Variants in ABCA12 observed in about 807,000 individuals in gnomAD.
ABCA12 encodes glucosylceramide transporter ABCA12.
ABCA12 carries 156 observed loss-of-function variants against 293.5 expected under a neutral mutation model. The observed-to-expected ratio is 0.53, with a 90% CI of 0.47 to 0.61. The LOEUF (loss-of-function observed/expected upper bound fraction) is 0.61. Among genes scored for constraint, ABCA12 ranks in the 20% least tolerant of loss-of-function variants. The pLI is 0.00. For synonymous variants in ABCA12, 1,063 were observed against 1,108.0 expected, an observed-to-expected ratio of 0.96 and a Z score of 0.81; for missense variants, 2,797 against 3,090.2, an observed-to-expected ratio of 0.91 and a Z score of 2.25.
At chr2:215,076,207 G>C (rs1478344806) in intron 2 of ABCA12, among the ~76,000 whole-genome samples, 1 of 152,064 alleles carries the variant, frequency 6.6e-6, no homozygotes, top group Non-Finnish European at 1.5e-5. Context: ...CAATTTATGT[G>C]ACCCGTGGCT....
chr2:214,943,782 A>G (rs1177787324), intron 49 of ABCA12, among the ~76,000 whole-genome samples: 1 of 152,120 alleles, frequency 6.6e-6, no homozygotes, highest in Non-Finnish European at 1.5e-5. Flanking sequence ...ATGGTCTATC[A>G]TAATTGGAGG....
At position 215,049,692 on chromosome 2, in the gene ABCA12, T is replaced by C. The variant is rs149882663; in HGVS notation, c.627A>G (p.Lys209=). ...AAAGGGTCATGTTAGAAAGGCAAAA[T>C]TTGTTAAAAACATTTCTTCCTAGAA... is the stretch of plus-strand genomic sequence containing the variant. ...WTFLGRNVFN[K]FCLSNMTLLE... Residue 209 remains lysine, a synonymous_variant, in exon 6 of 53, where the codon AAA becomes AAG. Transcript: ENST00000272895. 1 of 1,613,624 alleles carries C rather than the reference T, an allele frequency of 6.2e-7. No homozygotes were observed. Among genetic ancestry groups the C allele is most frequent in the Admixed American group, 1.7e-5 (1 of 59,982 alleles).
intron 23 of ABCA12, among the ~76,000 whole-genome samples, chr2:214,994,289 T>C (rs1342461437): frequency 2.6e-5 from 4 of 151,800 alleles, no homozygotes; most frequent in Admixed American, 2.0e-4. Flanking sequence ...GGTGCCAGCT[T>C]TGTAATCAGA....
rs1702628154 is a variant in ABCA12, at chr2:215,113,859, T to C, written c.70-2169A>G. ...TATTTAAAAATCACATTAGAGTTGT[T>C]GCAGATATCTTAAAGCGCTGTTTAT... On this transcript the variant is annotated intron_variant, in intron 1 of 52. Coordinates refer to ENST00000272895, the MANE Select transcript of ABCA12 (RefSeq NM_173076.3). Among the ~76,000 whole-genome samples the C allele has an allele frequency of 2.0e-5, 3 of 152,246 alleles. 1 individual carries two copies. The South Asian group carries it at 6.2e-4, about 32-fold the overall frequency.
In ABCA12 at chr2:214,990,891, G is replaced by T; in HGVS notation, c.3435C>A (p.Phe1145Leu). ...AGTCCGAAAAATACAGGAACAAAAT[G>T]AACCCATTTGTTTTAGGAAGAATAT... ...FGNILPKTNG[F>L]ILFLYFSDYS... The change falls in exon 24 of 53, where the codon TTC becomes TTA. Residue 1145 changes from phenylalanine (F) to leucine (L), a missense_variant. Coordinates refer to ENST00000272895, the MANE Select transcript of ABCA12 (RefSeq NM_173076.3). The T allele has an allele frequency of 6.2e-7, 1 of 1,613,978 alleles. No individual in the cohort carries two copies. The highest frequency in any genetic ancestry group is 1.1e-5 in the South Asian group (1 of 91,044).
intron 11 of ABCA12, among the ~76,000 whole-genome samples, chr2:215,024,906 T>C (rs1700705501): frequency 6.6e-6 from 1 of 152,136 alleles, no homozygotes; most frequent in Non-Finnish European, 1.5e-5. Flanking sequence ...CAAATAAGCA[T>C]AAAGTTATTC....
At chr2:215,060,886 C>T (rs1191802228) in intron 3 of ABCA12, among the ~76,000 whole-genome samples, 1 of 152,008 alleles carries the variant, frequency 6.6e-6, no homozygotes, top group Non-Finnish European at 1.5e-5. Context: ...AGCAGAGGTA[C>T]GAATTTAGAA....
chr2:214,970,351 G>A lies in ABCA12; in HGVS notation c.5612C>T (p.Ser1871Phe), dbSNP rs377028845. Residue 1871 changes from serine (S) to phenylalanine (F), a missense_variant, in exon 37 of 53, where the codon TCC (serine) becomes TTC (phenylalanine). Transcript: ENST00000272895. ...YSPPHRRTYS[S>F]QVIYNLTGQR... ...CCCAGTGAGGTTATAAATTACCTGG[G>A]ATGAGTAAGTTCTTCTGTGCGGTGG... 4 of 1,613,196 alleles carry A rather than the reference G, an allele frequency of 2.5e-6. No individual in the cohort carries two copies. The highest frequency in any genetic ancestry group is 3.4e-6 in the Non-Finnish European group (4 of 1,179,362).
intron 2 of ABCA12, among the ~76,000 whole-genome samples, chr2:215,103,933 G>C (rs1183899080): frequency 6.6e-6 from 1 of 152,008 alleles, no homozygotes; most frequent in East Asian, 1.9e-4. Context: ...GTTGCTGTGA[G>C]CCGAGATTGC....
intron 2 of ABCA12, chr2:215,075,589 A>C (rs1408471956): frequency 4.3e-6 from 3 of 698,520 alleles, no homozygotes; most frequent in East Asian, 5.4e-5. Flanking sequence ...CCATCCATCC[A>C]TCACAAGTGT....
intron 51 of ABCA12, among the ~76,000 whole-genome samples, chr2:214,936,052 C>A (rs930594215): frequency 3.9e-5 from 6 of 152,162 alleles, no homozygotes; most frequent in Non-Finnish European, 8.8e-5. Flanking sequence ...GTAGTACTCC[C>A]TTATTTGTGG....
In ABCA12 at chr2:214,937,626, A is replaced by G. The variant is rs1161817868; in HGVS notation, c.7437-11T>C. 12 of 1,603,816 alleles carry G rather than the reference A, an allele frequency of 7.5e-6. No homozygotes were observed. Among genetic ancestry groups the G allele is most frequent in the Non-Finnish European group, 9.4e-6 (11 of 1,171,002 alleles). ...AATCCTCGTCCAAACCTAGAAAGAA[A>G]AAGTGCAAAATATGATATGAATTAC... On this transcript the variant is annotated splice_polypyrimidine_tract_variant and intron_variant, in intron 50 of 52. Coordinates refer to ENST00000272895, the MANE Select transcript of ABCA12 (RefSeq NM_173076.3).
intron 2 of ABCA12, among the ~76,000 whole-genome samples, chr2:215,104,480 T>C (rs953293132): frequency 2.6e-5 from 4 of 152,182 alleles, no homozygotes; most frequent in African/African-American, 4.8e-5. Flanking sequence ...CTGTGAGTGA[T>C]GCAGCCGTGT....
chr2:215,036,857 A>G, intron 8 of ABCA12, 96 bp downstream of exon 8: 1 of 1,083,464 alleles, frequency 9.2e-7, no homozygotes, highest in Non-Finnish European at 1.4e-6. Flanking sequence ...TAAGAATAAT[A>G]TCATCTCTAC....
At position 214,956,841 on chromosome 2, in the gene ABCA12, A is replaced by C. The variant is rs560979800; in HGVS notation, c.6118-63T>G. ...AGCATTTTTCAAAAAAAAAAAAATC[A>C]ATAACCCATCTAGTTTAAAACTGCA... On this transcript the variant is annotated intron_variant, in intron 41 of 52. Coordinates refer to ENST00000272895, the MANE Select transcript of ABCA12 (RefSeq NM_173076.3). 13 of 1,166,066 alleles carry C rather than the reference A, an allele frequency of 1.1e-5. No homozygotes were observed. The African/African-American group carries it at 1.5e-4, about 14-fold the overall frequency. 72.2% of individuals were successfully genotyped at this position (1,166,066 alleles called of 1,614,324 possible).
At chr2:215,095,733 A>G (rs1238641465) in intron 2 of ABCA12, among the ~76,000 whole-genome samples, 1 of 150,872 alleles carries the variant, frequency 6.6e-6, no homozygotes, top group Non-Finnish European at 1.5e-5. Context: ...GAAGAACCAC[A>G]AAAGAAGTGA....
chr2:215,046,513 G>A (rs752332609), intron 6 of ABCA12, among the ~76,000 whole-genome samples: 5 of 147,162 alleles, frequency 3.4e-5, no homozygotes, highest in Non-Finnish European at 7.4e-5. Context: ...AAGAGCGTGT[G>A]TGTGTGTATA....
intron 30 of ABCA12, among the ~76,000 whole-genome samples, chr2:214,981,673 C>T (rs1411628013): frequency 2.0e-5 from 3 of 149,926 alleles, no homozygotes; most frequent in Non-Finnish European, 3.0e-5. Context: ...ATATCATATT[C>T]GATAAATATG....
At chr2:214,967,703 A>C (rs758294287) in intron 38 of ABCA12, among the ~76,000 whole-genome samples, 1 of 152,172 alleles carries the variant, frequency 6.6e-6, no homozygotes, top group Non-Finnish European at 1.5e-5. Flanking sequence ...TACTGTAAAA[A>C]TCAGCTAAAA....
Sources: gnomAD v4.1 joint callset for allele counts (sites outside exome capture counted in the v4.1 genomes callset) on GRCh38, gnomAD v4.1.1 for gene constraint, MANE v1.5 for transcripts, NCBI Gene and HGNC (gene_info 2026-07-23, HGNC 2026-07-21) for gene names.